The following PREP variants were observed in gnomAD, a reference collection of about 807,000 sequenced individuals.
PREP encodes the protein prolyl endopeptidase, also known as dJ355L5.1 (prolyl endopeptidase).
PREP carries 29 observed loss-of-function variants against 87.6 expected under a neutral mutation model. The observed-to-expected ratio is 0.33, with a 90% CI of 0.25 to 0.45. The LOEUF (loss-of-function observed/expected upper bound fraction) is 0.45. Ranked by LOEUF, PREP falls within the 20% of genes least tolerant of loss-of-function variation. The pLI, the probability that PREP is intolerant of heterozygous loss-of-function variation, is 1.00. For synonymous variants in PREP, 337 were observed against 328.6 expected (o/e 1.03, Z -0.28); for missense variants, 695 against 886.5 (o/e 0.78, Z 2.74).
Position 105,387,828 on chromosome 6 carries a change from G to C in PREP, c.120+10025C>G, listed in dbSNP as rs143559306. ...TTCTGCTCCAATCTCTAGCAGCTCAGAGATCAAGTGGCATGCCCATCTTCA... is the reference window on the plus strand; with the variant it reads ...TTCTGCTCCAATCTCTAGCAGCTCACAGATCAAGTGGCATGCCCATCTTCA... On this transcript the variant is annotated intron_variant, in intron 2 of 14. Coordinates refer to ENST00000652536, the MANE Select transcript of PREP (RefSeq NM_002726.5). Among the ~76,000 whole-genome samples, 22 of 152,284 alleles carry C rather than the reference G, an allele frequency of 1.4e-4. No homozygotes were observed. In the East Asian group the frequency reaches 4.1e-3, roughly 28 times the overall value.
intron 4 of PREP, among the ~76,000 whole-genome samples, chr6:105,374,519 T>C (rs1249852241): frequency 6.6e-6 from 1 of 151,796 alleles, no homozygotes; most frequent in South Asian, 2.1e-4. Flanking sequence ...TTGTAGGTCC[T>C]ATAAAGTATC....
chr6:105,371,874 AAAT>A (rs1341351964), intron 5 of PREP, among the ~76,000 whole-genome samples: 18 of 152,208 alleles, frequency 1.2e-4, no homozygotes, highest in Non-Finnish European at 1.6e-4. Context: ...AGCTGATGGT[AAAT>A]AATAACTTTT....
intron 6 of PREP, among the ~76,000 whole-genome samples, chr6:105,354,614 T>A (rs1772043737): frequency 1.3e-5 from 2 of 151,132 alleles, no homozygotes; most frequent in African/African-American, 4.9e-5. Context: ...ACTCATCCAA[T>A]CAGTTGATGG....
At chr6:105,294,298 C>G (rs993165174) in intron 10 of PREP, among the ~76,000 whole-genome samples, 2 of 152,226 alleles carry the variant, frequency 1.3e-5, no homozygotes, top group African/African-American at 4.8e-5. Context: ...GCAGGTGGAT[C>G]TGGGCTCAAA....
At chr6:105,321,220 T>C (rs950733802) in intron 10 of PREP, among the ~76,000 whole-genome samples, 3 of 152,220 alleles carry the variant, frequency 2.0e-5, no homozygotes, top group African/African-American at 7.2e-5. Flanking sequence ...ATTTTCTAAA[T>C]ATGGAAATGA....
chr6:105,362,899 T>C (rs538304797), intron 6 of PREP, among the ~76,000 whole-genome samples: 35 of 152,310 alleles, frequency 2.3e-4, no homozygotes, highest in African/African-American at 8.2e-4. Flanking sequence ...GGAACACCAC[T>C]GGACTTTTCT....
chr6:105,354,439 T>C (rs1005811163), intron 6 of PREP, among the ~76,000 whole-genome samples: 4 of 152,172 alleles, frequency 2.6e-5, no homozygotes, highest in African/African-American at 7.2e-5. Flanking sequence ...TCCATACCCT[T>C]ATTATGAGGG....
In PREP at chr6:105,333,389, T is replaced by C. The variant is rs749006165; in HGVS notation, c.940A>G (p.Ile314Val). ...TNRQSPNYRV[I>V]NIDFRDPEES... ...TCAGGATCCCTGAAGTCAATGTTGA[T>C]CACGCGATAGTTGGGAGACTGGCGA... The change falls in exon 8 of 15, where the codon ATC becomes GTC. Residue 314 changes from isoleucine to valine, a missense_variant. Around this residue, in one of 5 missense-constraint regions of PREP, gnomAD observed 517 missense variants for 620.3 expected, o/e 0.83. Transcript: ENST00000652536. The C allele has an allele frequency of 1.2e-6, 2 of 1,614,166 alleles. No homozygotes were observed. The highest frequency in any genetic ancestry group is 3.3e-4 in the Middle Eastern group (2 of 6,062).
At chr6:105,289,127 C>G (rs888594986) in intron 10 of PREP, among the ~76,000 whole-genome samples, 1 of 152,158 alleles carries the variant, frequency 6.6e-6, no homozygotes, top group African/African-American at 2.4e-5. Flanking sequence ...AATTCTTATT[C>G]CACAACTATC....
At chr6:105,293,859 G>C (rs1448709056) in intron 10 of PREP, among the ~76,000 whole-genome samples, 1 of 152,166 alleles carries the variant, frequency 6.6e-6, no homozygotes, top group Non-Finnish European at 1.5e-5. Flanking sequence ...TTTCGAAACA[G>C]CCATTCAAAA....
intron 2 of PREP, among the ~76,000 whole-genome samples, chr6:105,391,102 G>A: frequency 6.7e-6 from 1 of 149,376 alleles, no homozygotes; most frequent in East Asian, 1.9e-4. Flanking sequence ...CGGGTGCGGT[G>A]GCTCACACCT....
intron 2 of PREP, among the ~76,000 whole-genome samples, chr6:105,385,669 A>G (rs1397373281): frequency 1.3e-5 from 2 of 152,222 alleles, no homozygotes; most frequent in African/African-American, 4.8e-5. Flanking sequence ...ATATTATTTA[A>G]ATGGCTCAAT....
intron 7 of PREP, among the ~76,000 whole-genome samples, chr6:105,349,939 G>C (rs1479213099): frequency 7.0e-6 from 1 of 141,888 alleles, no homozygotes; most frequent in Non-Finnish European, 1.5e-5. Flanking sequence ...AAGATCCTAG[G>C]AGTTAGTCAT....
chr6:105,281,914 A>T lies in PREP; in HGVS notation c.1682-12T>A. 3 of 1,611,754 alleles carry T rather than the reference A, an allele frequency of 1.9e-6. No homozygotes were observed. Among genetic ancestry groups the T allele is most frequent in the Non-Finnish European group, 2.5e-6 (3 of 1,179,228 alleles). On this transcript the variant is annotated splice_polypyrimidine_tract_variant and intron_variant, in intron 13 of 14. Coordinates refer to ENST00000652536, the MANE Select transcript of PREP (RefSeq NM_002726.5). Reference sequence around the variant, plus strand: ...ATTTGCACAAGCAGCTAAAAGCCCAACGTAGAAAGAAAAGGGAGGCAGTCT... The same window carrying T: ...ATTTGCACAAGCAGCTAAAAGCCCATCGTAGAAAGAAAAGGGAGGCAGTCT...
intron 6 of PREP, 65 bp downstream of exon 6, chr6:105,368,838 G>T (rs2114703290): frequency 6.4e-7 from 1 of 1,573,754 alleles, no homozygotes; most frequent in Non-Finnish European, 8.7e-7. Flanking sequence ...CACATAATAA[G>T]AATATTTATA....
At chr6:105,397,644 AC>A (rs1417049531) in intron 2 of PREP, among the ~76,000 whole-genome samples, 1 of 152,176 alleles carries the variant, frequency 6.6e-6, no homozygotes. Flanking sequence ...TATCTGAAAC[AC>A]TTAGGTGATC....
chr6:105,335,902 A>T (rs1771465094), intron 7 of PREP, among the ~76,000 whole-genome samples: 1 of 152,144 alleles, frequency 6.6e-6, no homozygotes, highest in Non-Finnish European at 1.5e-5. Flanking sequence ...CTCAAAAAAA[A>T]TAAAATAAAA....
At chr6:105,348,332 T>C (rs751340871) in intron 7 of PREP, among the ~76,000 whole-genome samples, 3 of 152,128 alleles carry the variant, frequency 2.0e-5, no homozygotes, top group Non-Finnish European at 4.4e-5. Flanking sequence ...GAGGGGGGCT[T>C]ATCAAGCAAG....
In PREP at chr6:105,312,743, T is replaced by C. The variant is rs138233649; in HGVS notation, c.1317+10922A>G. 4.5e-4 allele frequency among the ~76,000 whole-genome samples: 68 copies of C among 152,278 alleles called. 1 individual carries two copies. The East Asian group carries it at 0.013, about 28-fold the overall frequency. ...AAGAAGACAAGCTTCTACAGGACAGTTGGCGTTTGGATGAATATTGAAAGA... is the reference window on the plus strand; with the variant it reads ...AAGAAGACAAGCTTCTACAGGACAGCTGGCGTTTGGATGAATATTGAAAGA... On this transcript the variant is annotated intron_variant, in intron 10 of 14. Coordinates refer to ENST00000652536, the MANE Select transcript of PREP (RefSeq NM_002726.5).
Sources: gnomAD v4.1 joint callset for allele counts (sites outside exome capture counted in the v4.1 genomes callset) on GRCh38, gnomAD v4.1.1 for gene constraint, gnomAD v4.1.1 regional missense constraint, MANE v1.5 for transcripts, NCBI Gene and HGNC (gene_info 2026-07-23, HGNC 2026-07-21) for gene names.